NALF1: variants seen among roughly 807,000 people sequenced by gnomAD.
The protein encoded by NALF1 is family with sequence similarity 155 member A.
In NALF1, 3 loss-of-function variants were observed where a neutral mutation model predicts 48.4. The observed-to-expected ratio is 0.06, with a 90% CI of 0.03 to 0.16. The LOEUF (loss-of-function observed/expected upper bound fraction) is 0.16. Ranked by LOEUF, NALF1 falls within the 10% of genes least tolerant of loss-of-function variation. The pLI, the probability that NALF1 is intolerant of heterozygous loss-of-function variation, is 1.00. For synonymous variants in NALF1, 262 were observed against 245.7 expected (o/e 1.07, Z -0.62); for missense variants, 526 against 571.5 (o/e 0.92, Z 0.81).
intron 1 of NALF1, among the ~76,000 whole-genome samples, chr13:107,411,052 T>C (rs2139000342): frequency 1.3e-5 from 2 of 152,200 alleles, no homozygotes; most frequent in South Asian, 4.1e-4. Context: ...AGGCTGCATA[T>C]TTAGGATGTG....
At chr13:107,340,444 C>CTATT (rs1207861115) in intron 1 of NALF1, among the ~76,000 whole-genome samples, 4 of 134,242 alleles carry the variant, frequency 3.0e-5, no homozygotes, top group African/African-American at 5.3e-5. Context: ...CCTGACCTTT[C>CTATT]TCTTTCTTTC....
intron 1 of NALF1, among the ~76,000 whole-genome samples, chr13:107,744,431 A>C (rs1876726548): frequency 6.6e-6 from 1 of 152,224 alleles, no homozygotes; most frequent in African/African-American, 2.4e-5. Flanking sequence ...CCAAGCCCGA[A>C]ACTTAGCCAA....
intron 1 of NALF1, among the ~76,000 whole-genome samples, chr13:107,509,301 C>A (rs774499179): frequency 1.3e-5 from 2 of 152,076 alleles, no homozygotes; most frequent in African/African-American, 4.8e-5. Flanking sequence ...GAATTGATTG[C>A]TCTATTTCTC....
chr13:107,816,802 C>T (rs11840875), intron 1 of NALF1, among the ~76,000 whole-genome samples: 10 of 152,024 alleles, frequency 6.6e-5, no homozygotes, highest in Middle Eastern at 3.2e-3. Context: ...TCTTTTCATG[C>T]GGAGTGTGTC....
At chr13:107,850,654 G>A (rs1880285115) in intron 1 of NALF1, among the ~76,000 whole-genome samples, 1 of 152,282 alleles carries the variant, frequency 6.6e-6, no homozygotes, top group Non-Finnish European at 1.5e-5. Flanking sequence ...TATAATCCCA[G>A]CACTTTGGGA....
At chr13:107,478,683 TGCTG>T (rs1268970365) in intron 1 of NALF1, among the ~76,000 whole-genome samples, 1 of 152,176 alleles carries the variant, frequency 6.6e-6, no homozygotes. Flanking sequence ...TAAACCACTG[TGCTG>T]TACTTAATCG....
At chr13:107,739,887 G>T (rs911065539) in intron 1 of NALF1, among the ~76,000 whole-genome samples, 1 of 152,206 alleles carries the variant, frequency 6.6e-6, no homozygotes, top group African/African-American at 2.4e-5. Context: ...TCTAGGTTGT[G>T]TGCTACTTAT....
intron 1 of NALF1, among the ~76,000 whole-genome samples, chr13:107,859,063 A>C (rs1880503774): frequency 6.6e-6 from 1 of 152,182 alleles, no homozygotes; most frequent in South Asian, 2.1e-4. Context: ...AAGAATTCTG[A>C]ACTTCGAGTT....
At chr13:107,672,818 G>A (rs1881021748) in intron 1 of NALF1, among the ~76,000 whole-genome samples, 1 of 152,088 alleles carries the variant, frequency 6.6e-6, no homozygotes, top group African/African-American at 2.4e-5. Context: ...GGTCACTAGT[G>A]ACCTGCGAAC....
intron 1 of NALF1, among the ~76,000 whole-genome samples, chr13:107,621,870 C>T (rs1476550364): frequency 1.3e-5 from 2 of 152,146 alleles, no homozygotes; most frequent in Non-Finnish European, 2.9e-5. Context: ...CTGAGTCGGG[C>T]AGGGCTCTAT....
intron 1 of NALF1, among the ~76,000 whole-genome samples, chr13:107,776,753 C>T (rs1036670601): frequency 6.6e-5 from 10 of 152,166 alleles, no homozygotes; most frequent in African/African-American, 1.9e-4. Context: ...GATGTAAATG[C>T]TGCAATATAA....
intron 1 of NALF1, among the ~76,000 whole-genome samples, chr13:107,291,720 CA>C (rs1022863454): frequency 6.6e-6 from 1 of 151,848 alleles, no homozygotes; most frequent in African/African-American, 2.4e-5. Flanking sequence ...AAGCTGCCTA[CA>C]AAATCAAAGA....
At chr13:107,443,877 A>G (rs1884606383) in intron 1 of NALF1, among the ~76,000 whole-genome samples, 1 of 152,206 alleles carries the variant, frequency 6.6e-6, no homozygotes, top group Non-Finnish European at 1.5e-5. Context: ...TAATTCAAGC[A>G]GTTCTTCTGA....
At chr13:107,803,268 G>A (rs374054248) in intron 1 of NALF1, among the ~76,000 whole-genome samples, 8 of 152,036 alleles carry the variant, frequency 5.3e-5, no homozygotes, top group East Asian at 1.9e-4. Flanking sequence ...ATATTGATAC[G>A]AATTCTAAGG....
chr13:107,499,109 T>A (rs945134865), intron 1 of NALF1, among the ~76,000 whole-genome samples: 1 of 152,020 alleles, frequency 6.6e-6, no homozygotes. Flanking sequence ...AACTGAGATG[T>A]CTGATTTTTA....
intron 1 of NALF1, among the ~76,000 whole-genome samples, chr13:107,753,653 C>T (rs1201764487): frequency 6.6e-6 from 1 of 152,100 alleles, no homozygotes; most frequent in East Asian, 1.9e-4. Flanking sequence ...ACACAGAATA[C>T]TTTCTGCATG....
At chr13:107,254,052 C>T (rs1387895376) in intron 1 of NALF1, among the ~76,000 whole-genome samples, 1 of 131,076 alleles carries the variant, frequency 7.6e-6, no homozygotes, top group Admixed American at 8.2e-5. Flanking sequence ...TTTAAGGGAG[C>T]AAGTACTAAA....
intron 1 of NALF1, among the ~76,000 whole-genome samples, chr13:107,464,786 CTGGAATTACAGGCATGAGCCA>C (rs1884974222): frequency 6.6e-6 from 1 of 152,126 alleles, no homozygotes; most frequent in Non-Finnish European, 1.5e-5. Context: ...TCCCAAAGTG[CTGGAATTACAGGCATGAGCCA>C]CCACACCCGG....
At position 107,166,046 on chromosome 13, in the gene NALF1, A is replaced by G. The variant is rs899819618; in HGVS notation, c.*4451T>C. On this transcript the variant is annotated 3_prime_UTR_variant, in exon 3 of 3. Coordinates refer to ENST00000375915, the MANE Select transcript of NALF1 (RefSeq NM_001080396.3). ...TGTGTGTGTGTGTGTGTGTGTATGT[A>G]TATATATCTTTATATCTCTCTAAAG... The G allele has an allele frequency of 7.5e-5, 11 of 147,450 alleles. No individual in the cohort carries two copies. Among genetic ancestry groups the G allele is most frequent in the Non-Finnish European group, 1.6e-4 (11 of 67,848 alleles). The allele number at this position is 147,450 out of a possible 1,614,324, so 9.1% of individuals were successfully genotyped here.
Sources: gnomAD v4.1 joint callset for allele counts (sites outside exome capture counted in the v4.1 genomes callset) on GRCh38, gnomAD v4.1.1 for gene constraint, MANE v1.5 for transcripts, NCBI Gene and HGNC (gene_info 2026-07-23, HGNC 2026-07-21) for gene names.